The following NOL4L variants were observed in gnomAD, a reference collection of about 807,000 sequenced individuals.
The protein encoded by NOL4L is nucleolar protein 4-like.
A neutral mutation model predicts 64.5 loss-of-function variants in NOL4L; 7 were observed. The ratio of observed to expected loss-of-function variants is 0.11; its 90% CI spans 0.06 to 0.20. The LOEUF is 0.20. NOL4L is among the 10% of genes least tolerant of loss of function. NOL4L has a pLI of 1.00. For synonymous variants in NOL4L, 413 were observed against 401.0 expected (o/e 1.03, Z -0.36); for missense variants, 680 against 967.1 (o/e 0.70, Z 3.94).
intron 1 of NOL4L, chr20:32,536,114 G>A: frequency 1.0e-6 from 1 of 985,612 alleles, no homozygotes; most frequent in Non-Finnish European, 1.2e-6. Context: ...GGAAGTGTGT[G>A]GGAACCCAAA....
At chr20:32,559,943 C>T (rs113234512) in intron 1 of NOL4L, among the ~76,000 whole-genome samples, 1 of 152,362 alleles carries the variant, frequency 6.6e-6, no homozygotes, top group African/African-American at 2.4e-5. Context: ...CCTGGGAGAC[C>T]AAGCCTCCCT....
At chr20:32,545,217 G>A (rs1308834674) in intron 1 of NOL4L, among the ~76,000 whole-genome samples, 1 of 152,184 alleles carries the variant, frequency 6.6e-6, no homozygotes, top group Non-Finnish European at 1.5e-5. Context: ...AGGCTGCAGT[G>A]AGTTATAATA....
intron 5 of NOL4L, among the ~76,000 whole-genome samples, chr20:32,467,595 G>A (rs554963254): frequency 1.3e-5 from 2 of 152,284 alleles, no homozygotes; most frequent in African/African-American, 2.4e-5. Context: ...TGGACCAACG[G>A]GGTGGTGCGC....
intron 6 of NOL4L, among the ~76,000 whole-genome samples, chr20:32,455,364 GTACA>G: frequency 1.3e-5 from 2 of 152,262 alleles, no homozygotes; most frequent in African/African-American, 4.8e-5. Context: ...TGAGCCCATG[GTACA>G]GAATGTCCCC....
chr20:32,548,965 G>A (rs917299196), intron 1 of NOL4L: 2 of 241,392 alleles, frequency 8.3e-6, no homozygotes, highest in African/African-American at 2.3e-5. Flanking sequence ...TGTTTAGTGG[G>A]AAAAACAACC....
At chr20:32,495,820 G>A (rs536597820) in intron 4 of NOL4L, among the ~76,000 whole-genome samples, 19 of 152,218 alleles carry the variant, frequency 1.2e-4, no homozygotes, top group South Asian at 2.1e-4. Context: ...AGCTGGGCGC[G>A]GTGTTGAGCA....
chr20:32,527,968 C>A, intron 1 of NOL4L, 55 bp from the exon 2 acceptor site: 2 of 1,336,032 alleles, frequency 1.5e-6, no homozygotes, highest in Non-Finnish European at 2.0e-6. Context: ...GGGGTGAGAA[C>A]TGGGCCCTGA....
Position 32,447,002 on chromosome 20 carries a change from A to G in NOL4L, c.*594T>C. On this transcript the variant is annotated 3_prime_UTR_variant, in exon 11 of 11. Coordinates refer to ENST00000621426, the MANE Select transcript of NOL4L (RefSeq NM_001256798.2). The stretch of plus-strand genomic sequence containing the variant: ...CTAGCGGCCACAGGGTGCACCAGGC[A>G]TGCAGAGGAACAGCCAGCCTGGCAC... The G allele has an allele frequency of 3.0e-6, 1 of 328,008 alleles. No individual in the cohort carries two copies. The highest frequency in any genetic ancestry group is 2.2e-5 in the South Asian group (1 of 44,938). 20.3% of individuals were successfully genotyped at this position (328,008 alleles called of 1,614,324 possible). A position where few individuals can be genotyped will look rare whatever the true frequency, so the allele number is the denominator to read the frequency against.
intron 1 of NOL4L, among the ~76,000 whole-genome samples, chr20:32,564,206 A>G (rs981856240): frequency 6.6e-6 from 1 of 152,236 alleles, no homozygotes; most frequent in African/African-American, 2.4e-5. Context: ...CAGGAAGGCC[A>G]GAAGAGACCA....
intron 5 of NOL4L, among the ~76,000 whole-genome samples, chr20:32,469,879 G>A (rs150968801): frequency 2.6e-5 from 4 of 152,340 alleles, no homozygotes; most frequent in Non-Finnish European, 5.9e-5. Context: ...CAAGGCCAAC[G>A]CTGGTGTGAC....
At chr20:32,512,065 G>A (rs1031589837) in intron 3 of NOL4L, among the ~76,000 whole-genome samples, 2 of 151,996 alleles carry the variant, frequency 1.3e-5, no homozygotes, top group Admixed American at 6.6e-5. Context: ...ACACACACAC[G>A]TTTATAGGAA....
chr20:32,465,016 C>T, intron 5 of NOL4L: 2 of 623,136 alleles, frequency 3.2e-6, no homozygotes, highest in South Asian at 3.7e-5. Flanking sequence ...AAACTGAAAT[C>T]ATTTCTCTCT....
At chr20:32,488,353 A>C (rs1384659956) in intron 4 of NOL4L, among the ~76,000 whole-genome samples, 2 of 152,188 alleles carry the variant, frequency 1.3e-5, no homozygotes, top group African/African-American at 2.4e-5. Context: ...CTGTGGAACC[A>C]ATGGTGCATT....
intron 4 of NOL4L, among the ~76,000 whole-genome samples, chr20:32,494,263 AAAAAAAAAAAAAAAAAAAAC>A (rs1396803677): frequency 2.8e-5 from 2 of 72,340 alleles, no homozygotes; most frequent in Non-Finnish European, 5.9e-5. Flanking sequence ...GAAAAAAAAA[AAAAAAAAAAAAAAAAAAAAC>A]ACACAACACA....
chr20:32,578,449 G>A (rs1261931918), intron 1 of NOL4L, among the ~76,000 whole-genome samples: 1 of 152,124 alleles, frequency 6.6e-6, no homozygotes, highest in Non-Finnish European at 1.5e-5. Context: ...GCAGTGGCAT[G>A]ATCACAGCTC....
intron 10 of NOL4L, 135 bp from the exon 11 acceptor site, chr20:32,447,951 T>G: frequency 8.4e-7 from 1 of 1,186,234 alleles, no homozygotes; most frequent in Non-Finnish European, 1.2e-6. Context: ...GTGGCTCTGG[T>G]CCATCTCCCT....
chr20:32,468,256 T>C (rs2014718077), intron 5 of NOL4L, among the ~76,000 whole-genome samples: 1 of 152,158 alleles, frequency 6.6e-6, no homozygotes. Context: ...AACCCTTCCA[T>C]GCCAGACCCT....
At chr20:32,516,582 C>A (rs1181086941) in intron 3 of NOL4L, among the ~76,000 whole-genome samples, 1 of 152,164 alleles carries the variant, frequency 6.6e-6, no homozygotes, top group African/African-American at 2.4e-5. Flanking sequence ...CTGCTTAGGG[C>A]TCCACACACA....
In NOL4L at chr20:32,584,795, C is replaced by A; in HGVS notation, c.96G>T (p.Leu32Phe). ...TTTTGGCCGAGTCGCCGTAGGTGCG[C>A]AAGCACCAGTCCCGGAACTGGCGGC... The part of the protein sequence containing the change: ...ELGRQFRDWC[L>F]RTYGDSAKTK... Residue 32 changes from leucine (L) to phenylalanine (F), a missense_variant, in exon 1 of 11, where the codon TTG (leucine) becomes TTT (phenylalanine). Physicochemically the swap from Leu to Phe is conservative, Grantham distance 22. Transcript: ENST00000621426. The A allele has an allele frequency of 6.5e-7, 1 of 1,536,950 alleles. No individual in the cohort carries two copies. The highest frequency in any genetic ancestry group is 8.7e-7 in the Non-Finnish European group (1 of 1,144,364).
Sources: gnomAD v4.1 joint callset for allele counts (sites outside exome capture counted in the v4.1 genomes callset) on GRCh38, gnomAD v4.1.1 for gene constraint, MANE v1.5 for transcripts, NCBI Gene and HGNC (gene_info 2026-07-23, HGNC 2026-07-21) for gene names.